The following CSNK2A1 variants were observed in gnomAD, a reference collection of about 807,000 sequenced individuals.
The protein encoded by CSNK2A1 is casein kinase II subunit alpha.
A neutral mutation model predicts 62.9 loss-of-function variants in CSNK2A1; 10 were observed. That is an observed-to-expected ratio of 0.16 (90% CI 0.10 to 0.27). The LOEUF is 0.27. Ranked by LOEUF, CSNK2A1 falls within the 10% of genes least tolerant of loss-of-function variation. CSNK2A1 has a pLI of 1.00. For missense variants in CSNK2A1, 160 were observed against 492.0 expected (o/e 0.33, Z 6.38); for synonymous variants, 124 against 167.8 (o/e 0.74, Z 2.02).
chr20:487,859 A>T, intron 11 of CSNK2A1: 2 of 441,698 alleles, frequency 4.5e-6, no homozygotes, highest in South Asian at 5.5e-5. Flanking sequence ...TGTAGCAAGG[A>T]GGGTCAGGTG....
rs952802448 is a variant in CSNK2A1 at position 473,257 on chromosome 20, A to C, written c.*10704T>G. On this transcript the variant is annotated 3_prime_UTR_variant, in exon 14 of 14. Coordinates refer to ENST00000217244, the MANE Select transcript of CSNK2A1 (RefSeq NM_177559.3). ...CTGTAACATTTTTACTTCTAACTCAAGGCTTGTCAGCTTACCATTGGCAGG... is the reference window on the plus strand; with the variant it reads ...CTGTAACATTTTTACTTCTAACTCACGGCTTGTCAGCTTACCATTGGCAGG... The C allele has an allele frequency of 6.6e-6, 1 of 152,420 alleles. No homozygotes were observed. Among genetic ancestry groups the C allele is most frequent in the African/African-American group, 2.4e-5 (1 of 41,398 alleles). The allele number at this position is 152,420 out of a possible 1,614,324, so 9.4% of individuals were successfully genotyped here.
In CSNK2A1 at chr20:499,131, T is replaced by G; in HGVS notation, c.366+124A>C. 4 of 712,280 alleles carry G rather than the reference T, an allele frequency of 5.6e-6. No individual in the cohort carries two copies. Among genetic ancestry groups the G allele is most frequent in the Non-Finnish European group, 8.4e-6 (4 of 474,942 alleles). 44.1% of individuals were successfully genotyped at this position (712,280 alleles called of 1,614,324 possible). A position where few individuals can be genotyped will look rare whatever the true frequency, so the allele number is the denominator to read the frequency against. On this transcript the variant is annotated intron_variant, in intron 6 of 13. Coordinates refer to ENST00000217244, the MANE Select transcript of CSNK2A1 (RefSeq NM_177559.3). This position sits in a 1 kb window ranked among gnomAD's most constrained non-coding sequence, Gnocchi z 4.2. ...ATAGGAGTTCTTCTATCTTAAAATT[T>G]GCACTGTAAGGATGAAAAGCTTTTT... is the stretch of plus-strand genomic sequence containing the variant.
Position 478,762 on chromosome 20 carries a change from T to C in CSNK2A1, c.*5199A>G, listed in dbSNP as rs906937367. On this transcript the variant is annotated 3_prime_UTR_variant, in exon 14 of 14. Coordinates refer to ENST00000217244, the MANE Select transcript of CSNK2A1 (RefSeq NM_177559.3). ...GGGCAACACGGCAAAACTTCATCTCTACCAAAAAAAAAAAAAAAAAAATTA... is the reference window on the plus strand; with the variant it reads ...GGGCAACACGGCAAAACTTCATCTCCACCAAAAAAAAAAAAAAAAAAATTA... 1.3e-4 allele frequency: 27 copies of C among 205,754 alleles called. No individual in the cohort carries two copies. The highest frequency in any genetic ancestry group is 9.9e-4 in the Admixed American group (14 of 14,180). The allele number at this position is 205,754 out of a possible 1,614,324, so 12.7% of individuals were successfully genotyped here. A position where few individuals can be genotyped will look rare whatever the true frequency, so the allele number is the denominator to read the frequency against.
chr20:526,658 G>T (rs1317228752), intron 2 of CSNK2A1: 2 of 137,152 alleles, frequency 1.5e-5, no homozygotes, highest in African/African-American at 5.4e-5. Flanking sequence ...CTTGATTTAA[G>T]AAAAAAAAAA....
At chr20:517,738 A>C (rs529851002) in intron 2 of CSNK2A1, among the ~76,000 whole-genome samples, 22 of 152,202 alleles carry the variant, frequency 1.4e-4, no homozygotes, top group Admixed American at 2.6e-4. Flanking sequence ...CCCTAAAATG[A>C]CCAAAGGCTG....
At chr20:527,038 A>AGAGAGAGG in intron 2 of CSNK2A1, 1 of 149,152 alleles carries the variant, frequency 6.7e-6, no homozygotes, top group Non-Finnish European at 1.5e-5. Flanking sequence ...AGAGAGAGAG[A>AGAGAGAGG]GAGAGAATGA....
intron 8 of CSNK2A1, among the ~76,000 whole-genome samples, chr20:492,978 T>C (rs2018266079): frequency 6.6e-6 from 1 of 152,180 alleles, no homozygotes; most frequent in African/African-American, 2.4e-5. Flanking sequence ...GAGGCAAGCT[T>C]ATCTGCCCAC....
intron 13 of CSNK2A1, among the ~76,000 whole-genome samples, chr20:485,066 CAAAAAAAAAAAAAAAAAAAAA>C (rs1157352244): frequency 6.4e-4 from 14 of 22,018 alleles, no homozygotes; most frequent in Non-Finnish European, 8.3e-4. Context: ...ACCTTGTCTC[CAAAAAAAAAAAAAAAAAAAAA>C]AAAAAAAAAA....
At chr20:509,510 T>C (rs2018671450) in intron 2 of CSNK2A1, among the ~76,000 whole-genome samples, 1 of 152,238 alleles carries the variant, frequency 6.6e-6, no homozygotes, top group African/African-American at 2.4e-5. Context: ...CTCCAGATTG[T>C]GATAACGTGA....
chr20:514,662 A>G (rs2018792501), intron 2 of CSNK2A1, among the ~76,000 whole-genome samples: 1 of 152,138 alleles, frequency 6.6e-6, no homozygotes, highest in East Asian at 1.9e-4. Flanking sequence ...GGCTGGTCTC[A>G]AACTCCTGGA....
chr20:491,663 C>T (rs2018237714), intron 9 of CSNK2A1, among the ~76,000 whole-genome samples: 1 of 151,094 alleles, frequency 6.6e-6, no homozygotes, highest in Admixed American at 6.6e-5. Flanking sequence ...AGAGCAAAAC[C>T]CTGCCTCAGA....
chr20:497,990 A>G lies in CSNK2A1; in HGVS notation c.367-210T>C, dbSNP rs192207987. ...TAAAAATGAAGAATTACTTAAACAT[A>G]TATTGCGGAAGCTATAATCCACTGT... On this transcript the variant is annotated intron_variant, in intron 6 of 13. Coordinates refer to ENST00000217244, the MANE Select transcript of CSNK2A1 (RefSeq NM_177559.3). 29 of 491,016 alleles carry G rather than the reference A, an allele frequency of 5.9e-5. No homozygotes were observed. The East Asian group carries it at 1.0e-3, about 17-fold the overall frequency. 30.4% of individuals were successfully genotyped at this position (491,016 alleles called of 1,614,324 possible).
At chr20:541,736 T>C (rs994321581) in intron 1 of CSNK2A1, among the ~76,000 whole-genome samples, 4 of 152,196 alleles carry the variant, frequency 2.6e-5, no homozygotes, top group Non-Finnish European at 4.4e-5. Context: ...AAGGAGTACA[T>C]AACTAGGCTT....
chr20:486,380 C>T lies in CSNK2A1; in HGVS notation c.1056G>A (p.Met352Ile). Reference protein sequence around the residue: ...GSTPVSSANMMSGISSVPTPS... With the variant: ...GSTPVSSANMISGISSVPTPS... ...AAAATTTACCAATGAACTGACCTGA[C>T]ATCATATTGGCGCTGCTGACGGGCG... The change falls in exon 13 of 14, where the codon ATG becomes ATA. Residue 352 changes from methionine to isoleucine, a missense_variant. This residue lies in a region of CSNK2A1 where 51 missense variants were observed against 108.8 expected (regional missense o/e 0.47). Coordinates refer to ENST00000217244, the MANE Select transcript of CSNK2A1 (RefSeq NM_177559.3). 6.2e-7 allele frequency: 1 copy of T among 1,613,634 alleles called. No homozygotes were observed. Among genetic ancestry groups the T allele is most frequent in the Non-Finnish European group, 8.5e-7 (1 of 1,179,884 alleles).
rs1297611510 is a variant in CSNK2A1 at position 499,098 on chromosome 20, C to T, written c.366+157G>A. 4.4e-6 allele frequency: 2 copies of T among 455,470 alleles called. No homozygotes were observed. The highest frequency in any genetic ancestry group is 3.8e-5 in the East Asian group (1 of 26,636). 28.2% of individuals were successfully genotyped at this position (455,470 alleles called of 1,614,324 possible). ...AATATCAAGATGCAGAAAGTGGGCA[C>T]TGCTTATATAGGAGTTCTTCTATCT... On this transcript the variant is annotated intron_variant, in intron 6 of 13. Transcript: ENST00000217244. This position sits in a 1 kb window ranked among gnomAD's most constrained non-coding sequence, Gnocchi z 4.2.
Position 487,412 on chromosome 20 carries a change from G to C in CSNK2A1, c.973+15C>G. On this transcript the variant is annotated intron_variant, in intron 12 of 13. Transcript: ENST00000217244. ...GCGCCTGCACAAACTCTGTGGGCTA[G>C]ATATCTGGACTCACAGAAATAGGGG... The C allele has an allele frequency of 6.2e-7, 1 of 1,613,252 alleles. No individual in the cohort carries two copies. The highest frequency in any genetic ancestry group is 8.5e-7 in the Non-Finnish European group (1 of 1,180,012).
intron 13 of CSNK2A1, among the ~76,000 whole-genome samples, chr20:485,937 A>C (rs2018088319): frequency 6.6e-6 from 1 of 152,192 alleles, no homozygotes; most frequent in African/African-American, 2.4e-5. Flanking sequence ...CATTTTACTT[A>C]TGTTTTTACA....
intron 2 of CSNK2A1, among the ~76,000 whole-genome samples, chr20:525,166 T>C (rs925867459): frequency 6.6e-6 from 1 of 152,126 alleles, no homozygotes; most frequent in Non-Finnish European, 1.5e-5. Context: ...AGTTTGTTCA[T>C]AAAAATACGA....
chr20:499,958 C>G lies in CSNK2A1; in HGVS notation c.214-24G>C. On this transcript the variant is annotated intron_variant, in intron 4 of 13. Transcript: ENST00000217244. The surrounding 1 kb of genome is among the most constrained non-coding windows in gnomAD (Gnocchi z 4.2). ...GGCTGAAAGGGGAAAAGTACATCAG[C>G]AAAAAAAAAAAAAAAAAATTTTTTC... 7.9e-7 allele frequency: 1 copy of G among 1,270,840 alleles called. No individual in the cohort carries two copies. The highest frequency in any genetic ancestry group is 1.4e-5 in the South Asian group (1 of 71,758). 78.7% of individuals were successfully genotyped at this position (1,270,840 alleles called of 1,614,324 possible).
Sources: allele counts gnomAD v4.1 joint callset (sites outside exome capture counted in the v4.1 genomes callset), GRCh38; gene constraint gnomAD v4.1.1; regional missense constraint gnomAD v4.1.1; non-coding constraint Gnocchi (gnomAD v3.1); transcripts MANE v1.5; gene names NCBI Gene and HGNC (gene_info 2026-07-23, HGNC 2026-07-21).